Variants in RGS8 observed in about 807,000 individuals in gnomAD.
RGS8 encodes the protein regulator of G-protein signaling 8.
In RGS8, 8 loss-of-function variants were observed where a neutral mutation model predicts 21.7. The observed-to-expected ratio is 0.37, with a 90% CI of 0.22 to 0.66. RGS8 has a LOEUF of 0.66. Among genes scored for constraint, RGS8 ranks in the 30% least tolerant of loss-of-function variants. The pLI, the probability that RGS8 is intolerant of heterozygous loss-of-function variation, is 0.59. For missense variants in RGS8, 157 were observed against 217.9 expected, an observed-to-expected ratio of 0.72 and a Z score of 1.76; for synonymous variants, 80 against 83.6, an observed-to-expected ratio of 0.96 and a Z score of 0.24.
chr1:182,715,825 C>T, the RGS8 span, among the ~76,000 whole-genome samples: 1 of 152,048 alleles, frequency 6.6e-6, no homozygotes, highest in East Asian at 1.9e-4. Context: ...TTAGGGTCTG[C>T]CACAGTGAAA....
At chr1:182,682,408 A>G (rs1457574818) in intron 1 of RGS8, among the ~76,000 whole-genome samples, 2 of 152,180 alleles carry the variant, frequency 1.3e-5, no homozygotes, top group Non-Finnish European at 2.9e-5. Flanking sequence ...GGGGATGATG[A>G]TACAAGGACA....
intron 2 of RGS8, 38 bp from the exon 4 acceptor site, chr1:182,669,790 C>T (rs1664062705): frequency 6.6e-7 from 1 of 1,520,496 alleles, no homozygotes; most frequent in Admixed American, 2.1e-5. Flanking sequence ...GGGCCACCCT[C>T]TCTCATCTGA....
At chr1:182,725,639 A>T in the RGS8 span, among the ~76,000 whole-genome samples, 2 of 152,180 alleles carry the variant, frequency 1.3e-5, no homozygotes, top group African/African-American at 4.8e-5. Flanking sequence ...GGGGACAAGG[A>T]CTTACAAATG....
the RGS8 span, among the ~76,000 whole-genome samples, chr1:182,698,158 A>G: frequency 1.3e-5 from 2 of 152,190 alleles, no homozygotes; most frequent in African/African-American, 4.8e-5. Flanking sequence ...TGGCCACTAG[A>G]ATGGAGAGAA....
At chr1:182,692,969 CA>C in the RGS8 span, among the ~76,000 whole-genome samples, 1 of 152,146 alleles carries the variant, frequency 6.6e-6, no homozygotes, top group Non-Finnish European at 1.5e-5. Flanking sequence ...ACCATATACA[CA>C]AATCAACCAA....
chr1:182,736,565 C>T, the RGS8 span, among the ~76,000 whole-genome samples: 2 of 152,090 alleles, frequency 1.3e-5, no homozygotes, highest in South Asian at 2.1e-4. Flanking sequence ...CTTCAAGAAA[C>T]CCTGGGACAT....
At chr1:182,742,197 C>T in the RGS8 span, among the ~76,000 whole-genome samples, 49,914 of 145,792 alleles carry the variant, frequency 0.34, 8,867 homozygotes, top group Non-Finnish European at 0.4. Context: ...CGGGAAGAGG[C>T]GCTCCTCACT....
At chr1:182,744,060 G>C in the RGS8 span, among the ~76,000 whole-genome samples, 3 of 152,118 alleles carry the variant, frequency 2.0e-5, 1 homozygote, top group Non-Finnish European at 4.4e-5. Flanking sequence ...CGTATTTCCA[G>C]TCCCAGAACA....
chr1:182,710,556 A>T, the RGS8 span, among the ~76,000 whole-genome samples: 2 of 152,158 alleles, frequency 1.3e-5, no homozygotes, highest in Non-Finnish European at 2.9e-5. Context: ...ACCCTACAGC[A>T]AAGATCCCTC....
downstream of RGS8, chr1:182,642,899 A>G (rs1485268458): frequency 7.3e-6 from 1 of 136,850 alleles, no homozygotes; most frequent in African/African-American, 2.7e-5. Context: ...TACTACTATT[A>G]TTATTACCAC....
chr1:182,712,661 T>G, the RGS8 span, among the ~76,000 whole-genome samples: 2 of 152,226 alleles, frequency 1.3e-5, no homozygotes, highest in Admixed American at 6.5e-5. Context: ...TGTTCTTCTG[T>G]TGTAGCCATG....
chr1:182,669,804 CACT>C, intron 2 of RGS8, 52 bp from the exon 4 acceptor site: 1 of 1,480,830 alleles, frequency 6.8e-7, no homozygotes, highest in Non-Finnish European at 9.0e-7. Flanking sequence ...CATCTGACTG[CACT>C]ACATTTCCTC....
At chr1:182,706,829 C>T in the RGS8 span, among the ~76,000 whole-genome samples, 1 of 152,130 alleles carries the variant, frequency 6.6e-6, no homozygotes, top group East Asian at 1.9e-4. Flanking sequence ...CTCTAAATTC[C>T]CCTGAAGTGG....
the RGS8 span, among the ~76,000 whole-genome samples, chr1:182,747,041 G>GTTTTTTTTTTTTTTT: frequency 7.6e-5 from 2 of 26,234 alleles, no homozygotes; most frequent in Admixed American, 5.5e-4. Context: ...AACACTGCTG[G>GTTTTTTTTTTTTTTT]TCTTTTTTTT....
intron 5 of RGS8, among the ~76,000 whole-genome samples, chr1:182,649,641 T>C (rs1360008622): frequency 2.0e-5 from 3 of 152,226 alleles, no homozygotes; most frequent in Non-Finnish European, 4.4e-5. Context: ...AGGGTTACCA[T>C]GTCAAGTTAG....
At chr1:182,675,246 G>T (rs645693), upstream of RGS8, among the ~76,000 whole-genome samples, 17,580 of 152,050 alleles carry the variant, frequency 0.12, 1,804 homozygotes, top group African/African-American at 0.27. Flanking sequence ...GACATTTCTG[G>T]CTTCTTTTTC....
At chr1:182,644,011 G>A (rs908084845), downstream of RGS8, 1 of 152,396 alleles carries the variant, frequency 6.6e-6, no homozygotes, top group African/African-American at 2.4e-5. Context: ...CTCGGCTTGA[G>A]GAGCCAAGGA....
the RGS8 span, among the ~76,000 whole-genome samples, chr1:182,744,556 T>C: frequency 1.3e-5 from 2 of 152,246 alleles, no homozygotes; most frequent in African/African-American, 4.8e-5. Flanking sequence ...CCTAGTGACA[T>C]AGCCATTGTA....
At position 182,646,885 on chromosome 1, in the gene RGS8, C is replaced by A; in HGVS notation, c.393G>T (p.Thr131=). ...GGGATGGCTCCTGCAGGTTCTTCCT[C>A]GTGGCTTCTCGGGTCTGGAAGTCAA... Residue 131 remains threonine, a synonymous_variant, in exon 7 of 7, where the codon ACG becomes ACT. Transcript: ENST00000483095. The A allele has an allele frequency of 1.9e-6, 3 of 1,614,024 alleles. No homozygotes were observed. The Admixed American group carries it at 5.0e-5, about 27-fold the overall frequency.
Sources: gnomAD v4.1 joint callset for allele counts (sites outside exome capture counted in the v4.1 genomes callset) on GRCh38, gnomAD v4.1.1 for gene constraint, MANE v1.5 for transcripts, NCBI Gene and HGNC (gene_info 2026-07-23, HGNC 2026-07-21) for gene names.